Variants in MAST2 observed in about 807,000 individuals in gnomAD.
The protein encoded by MAST2 is microtubule-associated serine/threonine-protein kinase 2.
Under a neutral mutation model 147.4 loss-of-function variants are expected in MAST2, and 70 were observed. The observed-to-expected ratio is 0.47, with a 90% CI of 0.39 to 0.58. MAST2 has a LOEUF of 0.58. Ranked by LOEUF, MAST2 falls within the 20% of genes least tolerant of loss-of-function variation. The pLI, the probability that MAST2 is intolerant of heterozygous loss-of-function variation, is 0.00. For synonymous variants in MAST2, 869 were observed against 896.8 expected, an observed-to-expected ratio of 0.97 and a Z score of 0.55; for missense variants, 2,080 against 2,302.3, an observed-to-expected ratio of 0.90 and a Z score of 1.98.
intron 8 of MAST2, among the ~76,000 whole-genome samples, chr1:46,007,965 AAAACT>A (rs1230739759): frequency 6.6e-6 from 1 of 152,210 alleles, no homozygotes; most frequent in African/African-American, 2.4e-5. Context: ...CCTATTGACC[AAAACT>A]AAGAAGACAC....
intron 3 of MAST2, among the ~76,000 whole-genome samples, chr1:45,832,857 C>T (rs940474957): frequency 2.0e-5 from 3 of 152,078 alleles, no homozygotes; most frequent in Non-Finnish European, 4.4e-5. Flanking sequence ...TGGTGTATTT[C>T]ACAGACATGT....
At chr1:45,865,261 T>C (rs1381846776) in intron 3 of MAST2, 3 of 345,414 alleles carry the variant, frequency 8.7e-6, no homozygotes, top group Admixed American at 7.3e-5. Flanking sequence ...GGAGTGCAGC[T>C]AAGTTCCTCT....
At chr1:46,012,392 T>C (rs1270413527) in intron 10 of MAST2, among the ~76,000 whole-genome samples, 4 of 152,224 alleles carry the variant, frequency 2.6e-5, no homozygotes, top group African/African-American at 9.6e-5. Context: ...AGCCAGTTTG[T>C]TCATCTGTTC....
chr1:46,004,041 G>A (rs1028800132), intron 7 of MAST2, among the ~76,000 whole-genome samples: 1 of 152,106 alleles, frequency 6.6e-6, no homozygotes, highest in Non-Finnish European at 1.5e-5. Context: ...TTTGGCAACT[G>A]TTAAGTTTAA....
chr1:45,992,339 G>C (rs1054191485), intron 5 of MAST2, among the ~76,000 whole-genome samples: 3 of 152,116 alleles, frequency 2.0e-5, no homozygotes, highest in African/African-American at 7.2e-5. Flanking sequence ...TGATGTGGTA[G>C]GTAATTGATT....
chr1:46,005,362 CAA>C (rs35830016), intron 7 of MAST2, among the ~76,000 whole-genome samples: 8 of 101,128 alleles, frequency 7.9e-5, no homozygotes, highest in Admixed American at 1.0e-4. Context: ...AACTCTGTCT[CAA>C]AAAAAAAAAA....
intron 3 of MAST2, among the ~76,000 whole-genome samples, chr1:45,852,591 G>A (rs935268004): frequency 1.3e-5 from 2 of 149,534 alleles, no homozygotes; most frequent in East Asian, 2.0e-4. Flanking sequence ...GACTGGTCTC[G>A]AACTCCTGGG....
chr1:46,011,400 T>C (rs1295283095), intron 10 of MAST2, among the ~76,000 whole-genome samples: 1 of 152,188 alleles, frequency 6.6e-6, no homozygotes, highest in African/African-American at 2.4e-5. Flanking sequence ...TGAGAAGTTC[T>C]CTAGTTGGGA....
intron 1 of MAST2, among the ~76,000 whole-genome samples, chr1:45,815,005 T>C (rs1379036818): frequency 1.3e-5 from 2 of 152,334 alleles, no homozygotes; most frequent in African/African-American, 4.8e-5. Flanking sequence ...GGGAACCATG[T>C]GTTAAAATTA....
chr1:45,810,102 C>G (rs1177030191), intron 1 of MAST2, among the ~76,000 whole-genome samples: 1 of 152,158 alleles, frequency 6.6e-6, no homozygotes, highest in East Asian at 1.9e-4. Flanking sequence ...AAAGGCTTTG[C>G]TCACAATAGG....
chr1:45,894,388 A>T (rs1648375982), intron 4 of MAST2, among the ~76,000 whole-genome samples: 1 of 152,164 alleles, frequency 6.6e-6, no homozygotes, highest in South Asian at 2.1e-4. Context: ...GTGACGGTAA[A>T]ACATTTATAA....
intron 5 of MAST2, among the ~76,000 whole-genome samples, chr1:45,972,019 A>C (rs1198697948): frequency 6.6e-6 from 1 of 152,050 alleles, no homozygotes; most frequent in Non-Finnish European, 1.5e-5. Context: ...CCTATCATTC[A>C]AGGTCAAGCT....
At chr1:45,887,916 C>T (rs571830620) in intron 4 of MAST2, among the ~76,000 whole-genome samples, 3 of 152,122 alleles carry the variant, frequency 2.0e-5, no homozygotes, top group Admixed American at 6.6e-5. Flanking sequence ...GAAGGCAGGA[C>T]GTAGCAGAGG....
chr1:45,960,304 T>C (rs1488968464), intron 5 of MAST2, among the ~76,000 whole-genome samples: 1 of 151,664 alleles, frequency 6.6e-6, no homozygotes, highest in African/African-American at 2.4e-5. Context: ...AGCTTAGGAG[T>C]TTGAGACCAG....
chr1:46,004,663 A>T, intron 7 of MAST2, among the ~76,000 whole-genome samples: 1 of 152,254 alleles, frequency 6.6e-6, no homozygotes, highest in East Asian at 1.9e-4. Flanking sequence ...CATGTATTAT[A>T]GCATTCTATG....
At chr1:45,986,177 C>A (rs955610702) in intron 5 of MAST2, among the ~76,000 whole-genome samples, 4 of 152,162 alleles carry the variant, frequency 2.6e-5, no homozygotes, top group Non-Finnish European at 5.9e-5. Context: ...GTCATAGATA[C>A]CCTTTATCAA....
chr1:45,874,221 G>A (rs1365458635), intron 3 of MAST2, among the ~76,000 whole-genome samples: 1 of 152,142 alleles, frequency 6.6e-6, no homozygotes, highest in East Asian at 1.9e-4. Context: ...ACATGTTTTT[G>A]AGCCACGACA....
intron 6 of MAST2, among the ~76,000 whole-genome samples, chr1:45,999,365 CAA>C (rs1344816705): frequency 6.6e-6 from 1 of 152,146 alleles, no homozygotes; most frequent in African/African-American, 2.4e-5. Context: ...TTTGTTTGTC[CAA>C]CCCAGCTGGA....
At chr1:45,960,658 C>T (rs1031156726) in intron 5 of MAST2, among the ~76,000 whole-genome samples, 3 of 152,150 alleles carry the variant, frequency 2.0e-5, no homozygotes, top group African/African-American at 7.2e-5. Context: ...AACCAGGCCA[C>T]GGGACTCAGC....
Sources: allele counts gnomAD v4.1 joint callset (sites outside exome capture counted in the v4.1 genomes callset), GRCh38; gene constraint gnomAD v4.1.1; transcripts MANE v1.5; gene names NCBI Gene and HGNC (gene_info 2026-07-23, HGNC 2026-07-21).